Variants in RNLS observed in about 807,000 individuals in gnomAD.
RNLS encodes the protein renalase, FAD dependent amine oxidase.
A neutral mutation model predicts 39.8 loss-of-function variants in RNLS; 39 were observed. That is an observed-to-expected ratio of 0.98 (90% CI 0.76 to 1.28). The LOEUF (loss-of-function observed/expected upper bound fraction) is 1.28, where lower values mean the gene tolerates loss of function less well. Ranked by LOEUF, RNLS falls within the 50% of genes most tolerant of loss-of-function variation. RNLS has a pLI of 0.00. For synonymous variants in RNLS, 147 were observed against 150.7 expected (o/e 0.98, Z 0.18); for missense variants, 410 against 413.3 (o/e 0.99, Z 0.07).
At chr10:88,445,910 CAG>C (rs1338630412) in intron 4 of RNLS, among the ~76,000 whole-genome samples, 1 of 152,136 alleles carries the variant, frequency 6.6e-6, no homozygotes, top group Non-Finnish European at 1.5e-5. Context: ...ATCAACAAGA[CAG>C]AAAGTTAATA....
At chr10:88,506,250 C>T (rs1705732304) in intron 4 of RNLS, among the ~76,000 whole-genome samples, 1 of 152,044 alleles carries the variant, frequency 6.6e-6, no homozygotes, top group Non-Finnish European at 1.5e-5. Flanking sequence ...ACTAAAAAGA[C>T]ATAACAACCT....
chr10:88,474,808 A>G (rs1251661542), intron 4 of RNLS, among the ~76,000 whole-genome samples: 2 of 152,178 alleles, frequency 1.3e-5, no homozygotes, highest in Non-Finnish European at 2.9e-5. Flanking sequence ...GCCAAGCTCT[A>G]AGCACTGATC....
At chr10:88,328,485 C>T (rs1329875625) in intron 5 of RNLS, among the ~76,000 whole-genome samples, 1 of 152,050 alleles carries the variant, frequency 6.6e-6, no homozygotes, top group African/African-American at 2.4e-5. Context: ...TTGTATTTGT[C>T]CCACTTATTC....
chr10:88,536,061 G>A (rs921313457), intron 4 of RNLS, among the ~76,000 whole-genome samples: 19 of 152,164 alleles, frequency 1.2e-4, no homozygotes, highest in Non-Finnish European at 2.9e-5. Context: ...ACAGGCCTGA[G>A]TTTGAAGCCT....
chr10:88,228,776 CTT>C, the RNLS span, among the ~76,000 whole-genome samples: 1 of 152,200 alleles, frequency 6.6e-6, no homozygotes, highest in Non-Finnish European at 1.5e-5. Flanking sequence ...TTGATCCAAA[CTT>C]TATCTCGTTT....
intron 4 of RNLS, among the ~76,000 whole-genome samples, chr10:88,560,109 C>G (rs1480734052): frequency 6.6e-6 from 1 of 151,952 alleles, no homozygotes; most frequent in Non-Finnish European, 1.5e-5. Flanking sequence ...ATTAGGAAGA[C>G]TTTCTTGAGG....
chr10:88,298,244 A>T (rs1298310489), intron 6 of RNLS, among the ~76,000 whole-genome samples: 1 of 151,952 alleles, frequency 6.6e-6, no homozygotes, highest in African/African-American at 2.4e-5. Flanking sequence ...GATTCTTATC[A>T]GATATGTGAC....
rs143795851 is a variant in RNLS at position 88,421,045 on chromosome 10, G to C, written c.527-58320C>G. Among the ~76,000 whole-genome samples the C allele has an allele frequency of 9.0e-3, 1,375 of 152,316 alleles. 25 individuals carry two copies. Among genetic ancestry groups the C allele is most frequent in the East Asian group, 0.028 (144 of 5,180 alleles). The stretch of plus-strand genomic sequence containing the variant: ...GACCACTGAGGAACGTCCCACCCCT[G>C]TTTCATGGGATAAGAAAAGTATCAG... On this transcript the variant is annotated intron_variant, in intron 4 of 6. Transcript: ENST00000331772.
chr10:88,279,917 T>C (rs141719185), downstream of RNLS, among the ~76,000 whole-genome samples: 1 of 152,284 alleles, frequency 6.6e-6, no homozygotes, highest in East Asian at 1.9e-4. Context: ...CAGGAGACAC[T>C]GACTGCTATT....
At chr10:88,253,525 C>T in the RNLS span, among the ~76,000 whole-genome samples, 7 of 152,136 alleles carry the variant, frequency 4.6e-5, no homozygotes, top group African/African-American at 1.7e-4. Context: ...TTCTATAGGA[C>T]GTCTGTAGGG....
chr10:88,277,982 G>T (rs1842874000), intron 6 of RNLS, among the ~76,000 whole-genome samples: 1 of 152,064 alleles, frequency 6.6e-6, no homozygotes, highest in Non-Finnish European at 1.5e-5. Context: ...AAAATTTTCA[G>T]CATCTGTTGA....
chr10:88,316,087 A>T (rs1250022340), intron 5 of RNLS, among the ~76,000 whole-genome samples: 1 of 152,158 alleles, frequency 6.6e-6, no homozygotes, highest in Non-Finnish European at 1.5e-5. Flanking sequence ...CATGCTGCAA[A>T]CTTTTTAAAG....
the RNLS span, among the ~76,000 whole-genome samples, chr10:88,245,081 A>G: frequency 2.0e-5 from 3 of 152,222 alleles, no homozygotes; most frequent in South Asian, 2.1e-4. Context: ...GGGGAAAAAA[A>G]GGAAAAGCTT....
chr10:88,366,884 T>G (rs1273472071), intron 4 of RNLS, among the ~76,000 whole-genome samples: 1 of 151,564 alleles, frequency 6.6e-6, no homozygotes, highest in African/African-American at 2.4e-5. Context: ...TCACGGCCAG[T>G]GGAGCTCTCT....
Position 88,328,631 on chromosome 10 carries a change from A to G in RNLS, c.701-13990T>C, listed in dbSNP as rs115242845. The stretch of plus-strand genomic sequence containing the variant: ...AGTTATATTTTTAGCGAATACTGAT[A>G]TATTTAAGCATACATATTAAATTAA... On this transcript the variant is annotated intron_variant, in intron 5 of 6. Coordinates refer to ENST00000331772, the MANE Select transcript of RNLS (RefSeq NM_001031709.3). Among the ~76,000 whole-genome samples, 821 of 152,342 alleles carry G rather than the reference A, an allele frequency of 5.4e-3. 8 individuals carry two copies. The highest frequency in any genetic ancestry group is 0.019 in the African/African-American group (795 of 41,588).
intron 4 of RNLS, among the ~76,000 whole-genome samples, chr10:88,378,103 G>T (rs925533184): frequency 2.2e-4 from 33 of 151,770 alleles, no homozygotes; most frequent in Admixed American, 2.1e-3. Context: ...CCACTAGAAG[G>T]TCTTCAAGGA....
intron 4 of RNLS, among the ~76,000 whole-genome samples, chr10:88,452,222 T>TA (rs1842397344): frequency 6.6e-6 from 1 of 152,218 alleles, no homozygotes; most frequent in African/African-American, 2.4e-5. Context: ...GGGTAAGAGA[T>TA]GACTAATGAT....
the RNLS span, among the ~76,000 whole-genome samples, chr10:88,229,766 T>C: frequency 6.6e-6 from 1 of 152,232 alleles, no homozygotes; most frequent in Non-Finnish European, 1.5e-5. Context: ...ACTCATATAA[T>C]ATGTGGCCTT....
At chr10:88,303,491 C>T (rs1024625867) in intron 6 of RNLS, among the ~76,000 whole-genome samples, 5 of 152,166 alleles carry the variant, frequency 3.3e-5, no homozygotes, top group African/African-American at 7.2e-5. Flanking sequence ...CTGTGCCTGA[C>T]GAGTGCAGAG....
Sources: gnomAD v4.1 joint callset for allele counts (sites outside exome capture counted in the v4.1 genomes callset) on GRCh38, gnomAD v4.1.1 for gene constraint, MANE v1.5 for transcripts, NCBI Gene and HGNC (gene_info 2026-07-23, HGNC 2026-07-21) for gene names.